Variants in MAGI2 observed in about 807,000 individuals in gnomAD.
The protein encoded by MAGI2 is membrane associated guanylate kinase, WW and PDZ domain containing 2, also known as membrane-associated guanylate kinase, WW and PDZ domain-containing protein 2.
Under a neutral mutation model 133.3 loss-of-function variants are expected in MAGI2, and 35 were observed. The observed-to-expected ratio is 0.26, with a 90% CI of 0.20 to 0.35. The LOEUF (loss-of-function observed/expected upper bound fraction) is 0.35. Ranked by LOEUF, MAGI2 falls within the 10% of genes least tolerant of loss-of-function variation. MAGI2 has a pLI of 1.00. For missense variants in MAGI2, 1,636 were observed against 1,863.4 expected (o/e 0.88, Z 2.25); for synonymous variants, 729 against 710.6 (o/e 1.03, Z -0.41).
At chr7:79,418,814 C>T (rs1846722440) in intron 1 of MAGI2, among the ~76,000 whole-genome samples, 1 of 144,894 alleles carries the variant, frequency 6.9e-6, no homozygotes, top group Non-Finnish European at 1.5e-5. Context: ...AAAAAAAAAG[C>T]AAGTTCCAAT....
At chr7:79,023,975 GA>G (rs889662247) in intron 1 of MAGI2, among the ~76,000 whole-genome samples, 3 of 151,494 alleles carry the variant, frequency 2.0e-5, no homozygotes, top group Non-Finnish European at 4.4e-5. Context: ...CACAGAATTA[GA>G]AAAAAAAATT....
At chr7:78,658,442 C>A (rs973959822) in intron 2 of MAGI2, among the ~76,000 whole-genome samples, 3 of 152,152 alleles carry the variant, frequency 2.0e-5, no homozygotes, top group Admixed American at 6.5e-5. Context: ...ACACCAAAAG[C>A]ACAACCCATA....
intron 1 of MAGI2, among the ~76,000 whole-genome samples, chr7:79,029,212 T>A (rs560189760): frequency 1.3e-5 from 2 of 152,140 alleles, no homozygotes; most frequent in Non-Finnish European, 2.9e-5. Flanking sequence ...TCAAGGATAA[T>A]ATCTAATTGC....
At chr7:78,351,418 T>C (rs1791499158) in intron 7 of MAGI2, among the ~76,000 whole-genome samples, 1 of 151,790 alleles carries the variant, frequency 6.6e-6, no homozygotes, top group Admixed American at 6.6e-5. Context: ...CAGAAAAGTG[T>C]GAATAAGGAA....
intron 1 of MAGI2, among the ~76,000 whole-genome samples, chr7:79,452,424 G>A (rs1193584806): frequency 1.3e-5 from 2 of 152,158 alleles, no homozygotes; most frequent in Non-Finnish European, 2.9e-5. Context: ...AAGGGGAAAA[G>A]TTACAGAAGA....
intron 2 of MAGI2, among the ~76,000 whole-genome samples, chr7:78,921,310 T>TA (rs1035388076): frequency 1.3e-5 from 2 of 152,140 alleles, no homozygotes; most frequent in Non-Finnish European, 2.9e-5. Flanking sequence ...AAGATATGAG[T>TA]AAAAAATGGC....
chr7:78,257,738 T>G (rs1793135918), intron 9 of MAGI2, among the ~76,000 whole-genome samples: 1 of 152,176 alleles, frequency 6.6e-6, no homozygotes. Flanking sequence ...ACTTGAAAAT[T>G]GAGCTTGCAA....
intron 20 of MAGI2, among the ~76,000 whole-genome samples, chr7:78,095,921 A>T (rs1285930670): frequency 6.6e-6 from 1 of 152,228 alleles, no homozygotes; most frequent in Admixed American, 6.5e-5. Context: ...AAAAACAGGG[A>T]ACTAGATAAA....
chr7:79,355,849 TC>T (rs11320941), intron 1 of MAGI2, among the ~76,000 whole-genome samples: 2,792 of 152,304 alleles, frequency 0.018, 96 homozygotes, highest in African/African-American at 0.063. Context: ...TTTTAAGATA[TC>T]AACACTTCCT....
chr7:78,822,726 C>T (rs1217236182), intron 2 of MAGI2, among the ~76,000 whole-genome samples: 1 of 152,032 alleles, frequency 6.6e-6, no homozygotes, highest in East Asian at 1.9e-4. Flanking sequence ...AACAAGACAG[C>T]ATGCCTGAAG....
At position 79,274,011 on chromosome 7, in the gene MAGI2, A is replaced by T. The variant is rs148636505; in HGVS notation, c.301+179009T>A. ...ACAGAAGTCATAATCCTGGGGTGCC[A>T]TGGTTCTCAGCCTTGATGCACATGA... On this transcript the variant is annotated intron_variant, in intron 1 of 21. Transcript: ENST00000354212. 4.6e-3 allele frequency among the ~76,000 whole-genome samples: 699 copies of T among 152,214 alleles called. 7 individuals carry two copies. Among genetic ancestry groups the T allele is most frequent in the African/African-American group, 0.016 (666 of 41,536 alleles).
chr7:79,387,822 T>C (rs189730626), intron 1 of MAGI2, among the ~76,000 whole-genome samples: 267 of 152,086 alleles, frequency 1.8e-3, no homozygotes, highest in African/African-American at 6.1e-3. Context: ...ATTTGGAACA[T>C]GATGGAAATT....
At chr7:78,786,300 A>G (rs1332445497) in intron 2 of MAGI2, among the ~76,000 whole-genome samples, 1 of 152,140 alleles carries the variant, frequency 6.6e-6, no homozygotes, top group East Asian at 1.9e-4. Context: ...CTCATGTGTA[A>G]TATGGATTAT....
intron 9 of MAGI2, among the ~76,000 whole-genome samples, chr7:78,297,879 A>G (rs1375378491): frequency 6.7e-6 from 1 of 148,736 alleles, no homozygotes; most frequent in African/African-American, 2.5e-5. Flanking sequence ...AGATACACCT[A>G]ATGCTAGGTG....
At chr7:78,759,264 T>A (rs946213219) in intron 2 of MAGI2, among the ~76,000 whole-genome samples, 2 of 152,128 alleles carry the variant, frequency 1.3e-5, no homozygotes, top group African/African-American at 4.8e-5. Context: ...AACTTCAAAT[T>A]TGAACATCTG....
intron 1 of MAGI2, among the ~76,000 whole-genome samples, chr7:79,386,892 C>A (rs1859599): frequency 0.19 from 28,409 of 151,792 alleles, 3,054 homozygotes; most frequent in African/African-American, 0.29. Flanking sequence ...GACACAGCAA[C>A]AAGGAGCCAT....
At chr7:79,089,463 CA>C (rs1406789750) in intron 1 of MAGI2, among the ~76,000 whole-genome samples, 5 of 151,886 alleles carry the variant, frequency 3.3e-5, no homozygotes, top group Non-Finnish European at 7.4e-5. Context: ...GGTATATACC[CA>C]AAAGATTATA....
intron 1 of MAGI2, among the ~76,000 whole-genome samples, chr7:79,319,342 G>A (rs1838995410): frequency 6.6e-6 from 1 of 152,124 alleles, no homozygotes; most frequent in East Asian, 1.9e-4. Context: ...TCAGATGCTT[G>A]CTTTTCATGC....
chr7:78,787,448 T>G (rs1826931111), intron 2 of MAGI2, among the ~76,000 whole-genome samples: 1 of 152,164 alleles, frequency 6.6e-6, no homozygotes, highest in Admixed American at 6.6e-5. Context: ...CAAGAGCAGT[T>G]AAAGTCACAA....
Sources: gnomAD v4.1 joint callset for allele counts (sites outside exome capture counted in the v4.1 genomes callset) on GRCh38, gnomAD v4.1.1 for gene constraint, MANE v1.5 for transcripts, NCBI Gene and HGNC (gene_info 2026-07-23, HGNC 2026-07-21) for gene names.